The following SENP6 variants were observed in gnomAD, a reference collection of about 807,000 sequenced individuals.
The protein encoded by SENP6 is sentrin-specific protease 6.
SENP6 carries 41 observed loss-of-function variants against 134.5 expected under a neutral mutation model. That is an observed-to-expected ratio of 0.30 (90% CI 0.24 to 0.40). The LOEUF (loss-of-function observed/expected upper bound fraction) is 0.40. Ranked by LOEUF, SENP6 falls within the 10% of genes least tolerant of loss-of-function variation. SENP6 has a pLI of 1.00. For missense variants in SENP6, 1,248 were observed against 1,312.5 expected (o/e 0.95, Z 0.76); for synonymous variants, 395 against 429.8 (o/e 0.92, Z 1.00).
intron 16 of SENP6, among the ~76,000 whole-genome samples, chr6:75,691,980 C>T (rs1582872706): frequency 1.3e-5 from 2 of 152,104 alleles, no homozygotes; most frequent in South Asian, 4.1e-4. Flanking sequence ...CCTCAGCCTC[C>T]TGAGTAGCTG....
intron 21 of SENP6, among the ~76,000 whole-genome samples, chr6:75,712,046 C>T (rs1479170374): frequency 2.0e-5 from 3 of 152,158 alleles, no homozygotes; most frequent in Admixed American, 1.3e-4. Context: ...TATATCAAAA[C>T]AGTAACATGG....
chr6:75,655,658 TGTATGA>T (rs759361535), intron 7 of SENP6, among the ~76,000 whole-genome samples: 90 of 152,356 alleles, frequency 5.9e-4, no homozygotes, highest in Admixed American at 1.2e-3. Flanking sequence ...AACATTGCAT[TGTATGA>T]GTATAACAAG....
intron 11 of SENP6, among the ~76,000 whole-genome samples, chr6:75,675,076 G>T (rs7775832): frequency 0.24 from 37,086 of 151,800 alleles, 5,901 homozygotes; most frequent in Non-Finnish European, 0.37. Flanking sequence ...AGTAATTCAG[G>T]CAAGGACCTT....
At chr6:75,713,363 G>T in intron 21 of SENP6, 150 bp from the exon 22 acceptor site, 1 of 564,194 alleles carries the variant, frequency 1.8e-6, no homozygotes. Context: ...GTGTCTATAA[G>T]GTTCATTTTT....
intron 2 of SENP6, among the ~76,000 whole-genome samples, chr6:75,623,359 T>A (rs1013058342): frequency 2.6e-5 from 4 of 152,186 alleles, no homozygotes; most frequent in Non-Finnish European, 5.9e-5. Flanking sequence ...ATTAGTTTAA[T>A]CTTCTAGAAT....
At chr6:75,699,040 GAC>G (rs947539173) in intron 18 of SENP6, among the ~76,000 whole-genome samples, 1 of 150,878 alleles carries the variant, frequency 6.6e-6, no homozygotes, top group Non-Finnish European at 1.5e-5. Flanking sequence ...GAAAAAAAAA[GAC>G]AGAAAAGAAG....
At chr6:75,644,779 C>T (rs970353209) in intron 6 of SENP6, among the ~76,000 whole-genome samples, 2 of 152,186 alleles carry the variant, frequency 1.3e-5, no homozygotes, top group African/African-American at 4.8e-5. Flanking sequence ...GCCACCTTGC[C>T]CAGCCGGTAA....
intron 7 of SENP6, among the ~76,000 whole-genome samples, 166 bp downstream of exon 7, chr6:75,647,967 T>C (rs2149849622): frequency 6.6e-6 from 1 of 152,338 alleles, no homozygotes; most frequent in East Asian, 1.9e-4. Flanking sequence ...GGTAACCTGA[T>C]ACCTGGAACA....
At chr6:75,612,590 A>G (rs1767537536) in intron 1 of SENP6, among the ~76,000 whole-genome samples, 2 of 152,154 alleles carry the variant, frequency 1.3e-5, no homozygotes, top group South Asian at 4.1e-4. Flanking sequence ...TTAGCCACCC[A>G]AAACGCTAGG....
At chr6:75,637,062 T>C (rs1287335784) in intron 5 of SENP6, among the ~76,000 whole-genome samples, 1 of 152,038 alleles carries the variant, frequency 6.6e-6, no homozygotes, top group Non-Finnish European at 1.5e-5. Flanking sequence ...AAAAAAATTT[T>C]TTTTGTAGAG....
At chr6:75,621,870 T>C (rs1768299510) in intron 2 of SENP6, among the ~76,000 whole-genome samples, 1 of 152,178 alleles carries the variant, frequency 6.6e-6, no homozygotes, top group African/African-American at 2.4e-5. Context: ...CAATTAAAAA[T>C]TGACTGTACA....
In SENP6 at chr6:75,715,692, T is replaced by C; in HGVS notation, c.*98T>C. 1 of 768,736 alleles carries C rather than the reference T, an allele frequency of 1.3e-6. No individual in the cohort carries two copies. The allele number at this position is 768,736 out of a possible 1,614,324, so 47.6% of individuals were successfully genotyped here. ...ACTGAAGTGCTCACTACTCAGTGAT[T>C]TGGAAATTTTGATGCTTGTATAAAT... On this transcript the variant is annotated 3_prime_UTR_variant, in exon 24 of 24. Coordinates refer to ENST00000447266, the MANE Select transcript of SENP6 (RefSeq NM_015571.4).
At chr6:75,669,452 C>T (rs1772502472) in intron 10 of SENP6, among the ~76,000 whole-genome samples, 1 of 151,866 alleles carries the variant, frequency 6.6e-6, no homozygotes, top group Non-Finnish European at 1.5e-5. Context: ...GTTTAAAATA[C>T]ATTTTTTTTT....
intron 1 of SENP6, among the ~76,000 whole-genome samples, chr6:75,606,720 C>T (rs1767056888): frequency 6.6e-6 from 1 of 152,102 alleles, no homozygotes; most frequent in African/African-American, 2.4e-5. Flanking sequence ...TGAATCAATT[C>T]AGATTTTTGG....
chr6:75,685,150 T>C (rs1773738468), intron 16 of SENP6, among the ~76,000 whole-genome samples: 1 of 152,190 alleles, frequency 6.6e-6, no homozygotes, highest in African/African-American at 2.4e-5. Context: ...TCCAGGAATT[T>C]ATCCATTTTT....
At chr6:75,605,307 A>T (rs972561011) in intron 1 of SENP6, among the ~76,000 whole-genome samples, 1 of 152,206 alleles carries the variant, frequency 6.6e-6, no homozygotes, top group African/African-American at 2.4e-5. Context: ...TGAAGTGCAT[A>T]AGAGAGTCAA....
intron 18 of SENP6, among the ~76,000 whole-genome samples, chr6:75,702,021 A>T (rs1038158639): frequency 2.6e-5 from 4 of 151,558 alleles, no homozygotes; most frequent in Non-Finnish European, 5.9e-5. Flanking sequence ...TTGCAAAGTG[A>T]CATTACTTGC....
chr6:75,712,487 T>G (rs934509632), intron 21 of SENP6, among the ~76,000 whole-genome samples: 4 of 151,712 alleles, frequency 2.6e-5, no homozygotes, highest in Non-Finnish European at 4.4e-5. Flanking sequence ...GACCAGCTTG[T>G]GCAACACAGT....
At chr6:75,690,850 C>T (rs893178798) in intron 16 of SENP6, among the ~76,000 whole-genome samples, 4 of 151,794 alleles carry the variant, frequency 2.6e-5, no homozygotes, top group African/African-American at 4.8e-5. Context: ...CGCTCACCAC[C>T]ACACCTGGCT....
Sources: allele counts gnomAD v4.1 joint callset (sites outside exome capture counted in the v4.1 genomes callset), GRCh38; gene constraint gnomAD v4.1.1; transcripts MANE v1.5; gene names NCBI Gene and HGNC (gene_info 2026-07-23, HGNC 2026-07-21).